Variants in GNG4 observed in about 807,000 individuals in gnomAD.
GNG4 encodes G protein subunit gamma 4.
Under a neutral mutation model 5.8 loss-of-function variants are expected in GNG4, and 4 were observed. That is an observed-to-expected ratio of 0.69 (90% CI 0.34 to 1.57). GNG4 has a LOEUF of 1.57. Among genes scored for constraint, GNG4 ranks in the 40% most tolerant of loss-of-function variants. The pLI is 0.06. For synonymous variants in GNG4, 29 were observed against 32.9 expected, an observed-to-expected ratio of 0.88 and a Z score of 0.41; for missense variants, 96 against 95.1, an observed-to-expected ratio of 1.01 and a Z score of -0.04.
intron 3 of GNG4, among the ~76,000 whole-genome samples, chr1:235,561,446 T>C (rs1687064255): frequency 6.6e-6 from 1 of 152,090 alleles, no homozygotes; most frequent in Non-Finnish European, 1.5e-5. Context: ...CGAGTCTTGC[T>C]CTGCCACCCG....
intron 1 of GNG4, among the ~76,000 whole-genome samples, chr1:235,611,543 T>C (rs1373965016): frequency 6.6e-6 from 1 of 152,102 alleles, no homozygotes; most frequent in South Asian, 2.1e-4. Flanking sequence ...TGACCATTGG[T>C]TGGATGTATA....
chr1:235,616,532 C>A, intron 1 of GNG4: 1 of 191,328 alleles, frequency 5.2e-6, no homozygotes. Context: ...GTATTCCCGC[C>A]TTCAGATGTC....
intron 1 of GNG4, among the ~76,000 whole-genome samples, chr1:235,631,569 T>A (rs1239774768): frequency 8.4e-6 from 1 of 118,894 alleles, no homozygotes; most frequent in Non-Finnish European, 1.6e-5. Flanking sequence ...TTTCTTTTCT[T>A]TCTTTCTTTT....
rs117897723 is a variant in GNG4, at chr1:235,629,180, G to A, written c.-123+20482C>T. Among the ~76,000 whole-genome samples the A allele has an allele frequency of 1.5e-3, 229 of 150,060 alleles. 2 individuals carry two copies. In the East Asian group the frequency reaches 0.035, roughly 23 times the overall value. The stretch of plus-strand genomic sequence containing the variant: ...CCCTAGGCACGTGCCACCATGCCCC[G>A]CCAATTAAAAAAAAAATGAAGACAG... On this transcript the variant is annotated intron_variant, in intron 1 of 3. Coordinates refer to ENST00000391854, the MANE Select transcript of GNG4 (RefSeq NM_001098722.2).
At chr1:235,561,231 G>T (rs533299660) in intron 3 of GNG4, among the ~76,000 whole-genome samples, 20 of 152,098 alleles carry the variant, frequency 1.3e-4, no homozygotes, top group Admixed American at 8.5e-4. Context: ...GCATGGTCTC[G>T]ATCTCCTGAC....
chr1:235,631,887 G>T (rs557100510), intron 1 of GNG4, among the ~76,000 whole-genome samples: 1 of 151,934 alleles, frequency 6.6e-6, no homozygotes, highest in Non-Finnish European at 1.5e-5. Context: ...TAATTCCTAT[G>T]AGTGGCAATA....
chr1:235,604,887 A>G (rs1240900712), intron 1 of GNG4, among the ~76,000 whole-genome samples: 1 of 152,162 alleles, frequency 6.6e-6, no homozygotes, highest in Non-Finnish European at 1.5e-5. Flanking sequence ...TAATACCTAC[A>G]AGAAACGCCT....
At chr1:235,613,363 C>A (rs370750429) in intron 1 of GNG4, among the ~76,000 whole-genome samples, 3 of 152,150 alleles carry the variant, frequency 2.0e-5, no homozygotes, top group Admixed American at 2.0e-4. Context: ...GTGTCCTACT[C>A]CCCAGAACCT....
chr1:235,628,732 G>T (rs113102101), intron 1 of GNG4, among the ~76,000 whole-genome samples: 2,739 of 152,310 alleles, frequency 0.018, 88 homozygotes, highest in African/African-American at 0.061. Flanking sequence ...TATGGGGATT[G>T]AGACTCGCAT....
chr1:235,596,207 A>ACAAAACAC (rs1553368858), intron 1 of GNG4, among the ~76,000 whole-genome samples: 1 of 28,770 alleles, frequency 3.5e-5, no homozygotes, highest in South Asian at 9.3e-4. Context: ...AAACAAACAA[A>ACAAAACAC]ATACACACAC....
intron 1 of GNG4, among the ~76,000 whole-genome samples, chr1:235,625,201 C>A (rs572624165): frequency 1.3e-5 from 2 of 152,282 alleles, no homozygotes; most frequent in African/African-American, 4.8e-5. Flanking sequence ...TCTCCTCTTG[C>A]CCTGGGACAG....
At chr1:235,603,831 C>A (rs1388237473) in intron 1 of GNG4, among the ~76,000 whole-genome samples, 2 of 152,154 alleles carry the variant, frequency 1.3e-5, no homozygotes, top group African/African-American at 2.4e-5. Context: ...TCACCTGTCA[C>A]CTTATCTGGT....
At position 235,552,022 on chromosome 1, in the gene GNG4, G is replaced by C; in HGVS notation, c.*87C>G. The C allele has an allele frequency of 5.0e-6, 6 of 1,206,934 alleles. No homozygotes were observed. Among genetic ancestry groups the C allele is most frequent in the Non-Finnish European group, 7.3e-6 (6 of 822,060 alleles). 74.8% of individuals were successfully genotyped at this position (1,206,934 alleles called of 1,614,324 possible). ...GTTGGCTGGGCAGGGATGGGTGTTG[G>C]TCTCACTCCCTAAGGCTTAGAGCAT... is the stretch of plus-strand genomic sequence containing the variant. On this transcript the variant is annotated 3_prime_UTR_variant, in exon 4 of 4. Transcript: ENST00000391854.
At chr1:235,571,769 G>T (rs562189957) in intron 3 of GNG4, among the ~76,000 whole-genome samples, 2 of 152,090 alleles carry the variant, frequency 1.3e-5, no homozygotes, top group African/African-American at 4.8e-5. Context: ...ACACAATAGG[G>T]TATAGCCTAT....
Position 235,570,713 on chromosome 1 carries a change from A to G in GNG4, c.99+13027T>C, listed in dbSNP as rs546413261. On this transcript the variant is annotated intron_variant, in intron 3 of 3. Coordinates refer to ENST00000391854, the MANE Select transcript of GNG4 (RefSeq NM_001098722.2). Reference sequence around the variant, plus strand: ...CGCACCCAGTCTAAATAAATTTTTAAAAGACAGGGTCTCACTCTGTCATCC... The same window carrying G: ...CGCACCCAGTCTAAATAAATTTTTAGAAGACAGGGTCTCACTCTGTCATCC... 2.1e-3 allele frequency among the ~76,000 whole-genome samples: 318 copies of G among 151,252 alleles called. 1 individual carries two copies. Among genetic ancestry groups the G allele is most frequent in the African/African-American group, 7.4e-3 (305 of 41,256 alleles).
chr1:235,599,394 G>A (rs1305617414), intron 1 of GNG4, among the ~76,000 whole-genome samples: 1 of 150,182 alleles, frequency 6.7e-6, no homozygotes, highest in Non-Finnish European at 1.5e-5. Flanking sequence ...TTGGTTCACT[G>A]CAACCGCCGC....
chr1:235,559,337 A>G (rs1686999174), intron 3 of GNG4, among the ~76,000 whole-genome samples: 1 of 152,206 alleles, frequency 6.6e-6, no homozygotes, highest in Non-Finnish European at 1.5e-5. Flanking sequence ...GATATCATAT[A>G]CTGCTTATCC....
rs985695596 is a variant in GNG4, at chr1:235,642,437, A to T, written c.-123+7225T>A. Among the ~76,000 whole-genome samples, 1 of 152,196 alleles carries T rather than the reference A, an allele frequency of 6.6e-6. No individual in the cohort carries two copies. Among genetic ancestry groups the T allele is most frequent in the Non-Finnish European group, 1.5e-5 (1 of 68,026 alleles). On this transcript the variant is annotated intron_variant, in intron 1 of 3. Transcript: ENST00000391854. This position sits in a 1 kb window ranked among gnomAD's most constrained non-coding sequence, Gnocchi z 4.3. ...TGATTCCCCGACGTGGGCCTGCAGC[A>T]AGAGACGGGTGCTAACAGCGTCCGA...
At chr1:235,619,380 G>A (rs1267133482) in intron 1 of GNG4, among the ~76,000 whole-genome samples, 1 of 151,830 alleles carries the variant, frequency 6.6e-6, no homozygotes, top group Non-Finnish European at 1.5e-5. Flanking sequence ...CTGGGTGACA[G>A]AGCAAGACTG....
Sources: allele counts gnomAD v4.1 joint callset (sites outside exome capture counted in the v4.1 genomes callset), GRCh38; gene constraint gnomAD v4.1.1; non-coding constraint Gnocchi (gnomAD v3.1); transcripts MANE v1.5; gene names NCBI Gene and HGNC (gene_info 2026-07-23, HGNC 2026-07-21).